The following CIT variants were observed in gnomAD, a reference collection of about 807,000 sequenced individuals.
The protein encoded by CIT is citron rho-interacting serine/threonine kinase.
Under a neutral mutation model 272.7 loss-of-function variants are expected in CIT, and 79 were observed. The observed-to-expected ratio is 0.29, with a 90% CI of 0.24 to 0.35. The LOEUF is 0.35. Among genes scored for constraint, CIT ranks in the 10% least tolerant of loss-of-function variants. The probability of loss-of-function intolerance (pLI) is 1.00; values close to 1 mark genes in which losing one functional copy is unlikely to be tolerated. For synonymous variants in CIT, 948 were observed against 995.6 expected, an observed-to-expected ratio of 0.95 and a Z score of 0.90; for missense variants, 1,909 against 2,618.3, an observed-to-expected ratio of 0.73 and a Z score of 5.91.
chr12:119,687,342 G>A lies in CIT; in HGVS notation c.*890C>T, dbSNP rs60243987. ...GTGCCCCCGTCCCCTCCCCGACCCC[G>A]AGACCCAGGAGTGCTGGGCTCCGAG... On this transcript the variant is annotated 3_prime_UTR_variant, in exon 48 of 48. Transcript: ENST00000392521. The A allele has an allele frequency of 0.021, 3,143 of 152,648 alleles. 50 individuals are homozygous for A. Among genetic ancestry groups the A allele is most frequent in the African/African-American group, 0.038 (1,567 of 41,526 alleles). The allele number at this position is 152,648 out of a possible 1,614,324, so 9.5% of individuals were successfully genotyped here.
At chr12:119,861,459 T>G (rs11064938) in intron 3 of CIT, among the ~76,000 whole-genome samples, 3 of 152,016 alleles carry the variant, frequency 2.0e-5, no homozygotes, top group Non-Finnish European at 1.5e-5. Context: ...TCGTGGCGCA[T>G]GCCTGCAATG....
At chr12:119,842,379 A>ACT (rs1969466074) in intron 5 of CIT, among the ~76,000 whole-genome samples, 1 of 118,050 alleles carries the variant, frequency 8.5e-6, no homozygotes. Flanking sequence ...ACAGAGCGAG[A>ACT]CTGCATCTCA....
chr12:119,702,310 T>C (rs1025090678), intron 41 of CIT, among the ~76,000 whole-genome samples: 1 of 152,100 alleles, frequency 6.6e-6, no homozygotes, highest in East Asian at 1.9e-4. Context: ...AGTGATCCAT[T>C]TGTTTTCTCT....
chr12:119,690,398 G>T lies in CIT; in HGVS notation c.5939C>A (p.Ala1980Asp). Reference protein sequence around the residue: ...TYNEHITKRVASSPAPPEGPS... With the variant: ...TYNEHITKRVDSSPAPPEGPS... Reference sequence around the variant, plus strand: ...GCCTTCGGGCGGCGCTGGGCTGGAGGCCACGCGCTTGGTGATGTGCTCGTT... The same window carrying T: ...GCCTTCGGGCGGCGCTGGGCTGGAGTCCACGCGCTTGGTGATGTGCTCGTT... Residue 1980 changes from alanine (A) to aspartate (D), a missense_variant, in exon 47 of 48, where the codon GCC becomes GAC. Ala to Asp is a moderately radical substitution (Grantham distance 126). This residue lies in a region of CIT where 780 missense variants were observed against 1,067.2 expected (regional missense o/e 0.73). Transcript: ENST00000392521. The surrounding 1 kb of genome is among the most constrained non-coding windows in gnomAD (Gnocchi z 6.0). 6.3e-7 allele frequency: 1 copy of T among 1,596,676 alleles called. No individual in the cohort carries two copies. Among genetic ancestry groups the T allele is most frequent in the South Asian group, 1.1e-5 (1 of 89,816 alleles).
intron 13 of CIT, chr12:119,782,277 T>A (rs1964365506): frequency 3.0e-6 from 1 of 331,124 alleles, no homozygotes; most frequent in Non-Finnish European, 5.5e-6. Context: ...ATCTTTATTT[T>A]TAAAAGCAGA....
intron 21 of CIT, among the ~76,000 whole-genome samples, 171 bp downstream of exon 21, chr12:119,758,420 G>C (rs562120124): frequency 6.5e-4 from 99 of 152,324 alleles, no homozygotes; most frequent in African/African-American, 2.0e-3. Flanking sequence ...AAAAGTGGCA[G>C]AGTGAGACCA....
At chr12:119,772,197 C>T (rs547887338) in intron 17 of CIT, among the ~76,000 whole-genome samples, 24 of 152,038 alleles carry the variant, frequency 1.6e-4, no homozygotes, top group Non-Finnish European at 2.9e-4. Flanking sequence ...GAGGCAGATA[C>T]GAGTAAAGGA....
intron 10 of CIT, among the ~76,000 whole-genome samples, chr12:119,787,756 A>C (rs1964936112): frequency 1.7e-5 from 2 of 117,656 alleles, no homozygotes; most frequent in Admixed American, 2.0e-4. Context: ...AAAAGCAAAT[A>C]AATTTAAAAA....
chr12:119,839,837 G>A (rs1482967240), intron 5 of CIT, among the ~76,000 whole-genome samples: 3 of 152,200 alleles, frequency 2.0e-5, no homozygotes, highest in South Asian at 4.1e-4. Context: ...AGCAACAGAA[G>A]AGGACCAGAT....
At chr12:119,861,660 C>G (rs1446655630) in intron 3 of CIT, among the ~76,000 whole-genome samples, 5 of 152,048 alleles carry the variant, frequency 3.3e-5, no homozygotes, top group Admixed American at 3.3e-4. Flanking sequence ...CATCTGGACC[C>G]AAGAGCAAAA....
chr12:119,713,351 G>A lies in CIT; in HGVS notation c.4488-57C>T. On this transcript the variant is annotated intron_variant, in intron 34 of 47. Coordinates refer to ENST00000392521, the MANE Select transcript of CIT (RefSeq NM_001206999.2). The surrounding 1 kb of genome is among the most constrained non-coding windows in gnomAD (Gnocchi z 5.2). ...CTGAACTCAGAAGAAACATCCGGCTGGAGGATAGGATGAGGGGGTGGCAGA... is the reference window on the plus strand; with the variant it reads ...CTGAACTCAGAAGAAACATCCGGCTAGAGGATAGGATGAGGGGGTGGCAGA... The A allele has an allele frequency of 3.1e-6, 5 of 1,587,492 alleles. 1 individual carries two copies. The South Asian group carries it at 5.5e-5, about 18-fold the overall frequency.
At chr12:119,707,751 C>T (rs1324388733) in intron 40 of CIT, among the ~76,000 whole-genome samples, 1 of 152,162 alleles carries the variant, frequency 6.6e-6, no homozygotes, top group Non-Finnish European at 1.5e-5. Context: ...CCACCTGCCT[C>T]GGCCTCCCAA....
At chr12:119,785,562 G>A (rs559252196) in intron 10 of CIT, among the ~76,000 whole-genome samples, 15 of 121,182 alleles carry the variant, frequency 1.2e-4, no homozygotes, top group Admixed American at 1.1e-3. Context: ...AACTCATCCC[G>A]GACTTTTTTT....
At chr12:119,820,531 C>T (rs1438466756) in intron 9 of CIT, among the ~76,000 whole-genome samples, 14 of 152,004 alleles carry the variant, frequency 9.2e-5, no homozygotes, top group Non-Finnish European at 8.8e-5. Context: ...GCCTGGGCGA[C>T]GGGAAGACTG....
intron 5 of CIT, among the ~76,000 whole-genome samples, chr12:119,836,642 A>G (rs1339297036): frequency 6.6e-6 from 1 of 152,258 alleles, no homozygotes; most frequent in East Asian, 1.9e-4. Flanking sequence ...AATAAGAACA[A>G]TGCATATTTA....
chr12:119,831,476 C>T (rs560234771), intron 7 of CIT, among the ~76,000 whole-genome samples: 16 of 152,130 alleles, frequency 1.1e-4, no homozygotes, highest in Non-Finnish European at 1.9e-4. Flanking sequence ...CTCAGGTCTG[C>T]AGAACAGACA....
At chr12:119,769,543 C>G (rs1962848645) in intron 18 of CIT, among the ~76,000 whole-genome samples, 1 of 152,150 alleles carries the variant, frequency 6.6e-6, no homozygotes, top group Non-Finnish European at 1.5e-5. Flanking sequence ...AGAGAGTTAA[C>G]CACTCCGTTT....
intron 5 of CIT, among the ~76,000 whole-genome samples, chr12:119,842,602 T>C (rs1969486336): frequency 6.6e-6 from 1 of 151,992 alleles, no homozygotes; most frequent in Non-Finnish European, 1.5e-5. Context: ...AACCAGACAT[T>C]ATGACAGAGT....
intron 10 of CIT, among the ~76,000 whole-genome samples, chr12:119,790,111 A>G (rs1192685962): frequency 6.6e-6 from 1 of 152,080 alleles, no homozygotes; most frequent in Non-Finnish European, 1.5e-5. Context: ...ATTGACCATA[A>G]TGTAAATCAT....
Sources: allele counts gnomAD v4.1 joint callset (sites outside exome capture counted in the v4.1 genomes callset), GRCh38; gene constraint gnomAD v4.1.1; regional missense constraint gnomAD v4.1.1; non-coding constraint Gnocchi (gnomAD v3.1); transcripts MANE v1.5; gene names NCBI Gene and HGNC (gene_info 2026-07-23, HGNC 2026-07-21).